SLC22A23: variants seen among roughly 807,000 people sequenced by gnomAD.
The protein encoded by SLC22A23 is ion transporter protein.
A neutral mutation model predicts 61.0 loss-of-function variants in SLC22A23; 26 were observed. The observed-to-expected ratio is 0.43, with a 90% CI of 0.31 to 0.59. The LOEUF is 0.59. Among genes scored for constraint, SLC22A23 ranks in the 20% least tolerant of loss-of-function variants. SLC22A23 has a pLI of 0.11. For synonymous variants in SLC22A23, 430 were observed against 413.9 expected (o/e 1.04, Z -0.47); for missense variants, 796 against 934.7 (o/e 0.85, Z 1.94).
rs552513223 is a variant in SLC22A23 at position 3,397,526 on chromosome 6, T to C, written c.913+12662A>G. On this transcript the variant is annotated intron_variant, in intron 3 of 9. Transcript: ENST00000406686. The stretch of plus-strand genomic sequence containing the variant: ...TTCCTTAACTGTAAAATGGGGCTAT[T>C]TGTGGGAGCTACTTTACATGGTTAC... 1.8e-4 allele frequency among the ~76,000 whole-genome samples: 27 copies of C among 152,354 alleles called. No homozygotes were observed. The Middle Eastern group carries it at 0.01, about 58-fold the overall frequency.
chr6:3,425,080 T>C (rs533671232), intron 1 of SLC22A23, among the ~76,000 whole-genome samples: 178 of 152,202 alleles, frequency 1.2e-3, no homozygotes, highest in Non-Finnish European at 2.1e-3. Flanking sequence ...CCTCTTTCTG[T>C]GATTATTTTT....
At chr6:3,343,528 C>G (rs1764265647) in intron 3 of SLC22A23, among the ~76,000 whole-genome samples, 1 of 151,934 alleles carries the variant, frequency 6.6e-6, no homozygotes, top group Non-Finnish European at 1.5e-5. Context: ...TTTTAGACAT[C>G]TTTTTTTCAA....
chr6:3,454,815 C>A lies in SLC22A23; in HGVS notation c.654+1091G>T, dbSNP rs1772313495. 6.6e-6 allele frequency among the ~76,000 whole-genome samples: 1 copy of A among 152,194 alleles called. No homozygotes were observed. Among genetic ancestry groups the A allele is most frequent in the Admixed American group, 6.5e-5 (1 of 15,286 alleles). On this transcript the variant is annotated intron_variant, in intron 1 of 9. Coordinates refer to ENST00000406686, the MANE Select transcript of SLC22A23 (RefSeq NM_015482.2). The surrounding 1 kb of genome is among the most constrained non-coding windows in gnomAD (Gnocchi z 4.3). ...AGAGTTTATCTTACACATCCATGAG[C>A]TACAACTGTTAACCAATGCACACGG...
chr6:3,450,600 C>T (rs574026979), intron 1 of SLC22A23, among the ~76,000 whole-genome samples: 2 of 152,288 alleles, frequency 1.3e-5, no homozygotes, highest in East Asian at 1.9e-4. Flanking sequence ...CCACTGTGCC[C>T]GGCCGTCAGT....
intron 9 of SLC22A23, among the ~76,000 whole-genome samples, chr6:3,280,523 T>C (rs1352449910): frequency 3.1e-5 from 4 of 130,884 alleles, no homozygotes; most frequent in Non-Finnish European, 6.3e-5. Context: ...TGAGATGGAG[T>C]CTCGCTCTGT....
chr6:3,356,650 TG>T (rs1375305781), intron 3 of SLC22A23, among the ~76,000 whole-genome samples: 1 of 152,124 alleles, frequency 6.6e-6, no homozygotes, highest in African/African-American at 2.4e-5. Context: ...CCTGAAGCTT[TG>T]TTGTAACCCT....
chr6:3,279,581 T>C (rs545472432), intron 9 of SLC22A23, among the ~76,000 whole-genome samples: 1 of 148,050 alleles, frequency 6.8e-6, no homozygotes, highest in Non-Finnish European at 1.5e-5. Context: ...TTGGCAGAAG[T>C]TGGTATGCCA....
intron 3 of SLC22A23, among the ~76,000 whole-genome samples, chr6:3,350,132 C>T (rs972121136): frequency 1.3e-5 from 2 of 152,158 alleles, no homozygotes; most frequent in Non-Finnish European, 2.9e-5. Context: ...TTTCATGAAA[C>T]GATACTTAAC....
chr6:3,298,744 G>A (rs191886913), intron 4 of SLC22A23, among the ~76,000 whole-genome samples: 1,617 of 151,938 alleles, frequency 0.011, 28 homozygotes, highest in African/African-American at 0.038. Flanking sequence ...AGGCCGAGGC[G>A]GGTGGATCAT....
At chr6:3,435,029 C>T (rs887452985) in intron 1 of SLC22A23, among the ~76,000 whole-genome samples, 9 of 152,068 alleles carry the variant, frequency 5.9e-5, no homozygotes, top group African/African-American at 1.2e-4. Flanking sequence ...GAAACCTGGG[C>T]GGAGAACCCA....
chr6:3,358,898 A>G (rs1300665950), intron 3 of SLC22A23, among the ~76,000 whole-genome samples: 1 of 152,170 alleles, frequency 6.6e-6, no homozygotes, highest in Non-Finnish European at 1.5e-5. Flanking sequence ...GCCATTTCAA[A>G]GGGAAGCCCT....
At chr6:3,385,469 T>C (rs1026555573) in intron 3 of SLC22A23, among the ~76,000 whole-genome samples, 1 of 152,130 alleles carries the variant, frequency 6.6e-6, no homozygotes, top group Non-Finnish European at 1.5e-5. Context: ...TGTGCAGAGA[T>C]GGTGCCACTG....
chr6:3,411,040 ATTCGTGGG>A (rs1383924883), intron 2 of SLC22A23, among the ~76,000 whole-genome samples: 1 of 152,152 alleles, frequency 6.6e-6, no homozygotes, highest in Non-Finnish European at 1.5e-5. Context: ...GATACCCTCA[ATTCGTGGG>A]TTCTGGAGCT....
chr6:3,396,036 G>T (rs1767980544), intron 3 of SLC22A23, among the ~76,000 whole-genome samples: 1 of 152,146 alleles, frequency 6.6e-6, no homozygotes. Flanking sequence ...AAAAAGATGG[G>T]GCTGTTGGGA....
rs1040049095 is a variant in SLC22A23, at chr6:3,360,847, C to T, written c.914-36845G>A. On this transcript the variant is annotated intron_variant, in intron 3 of 9. Transcript: ENST00000406686. This position sits in a 1 kb window ranked among gnomAD's most constrained non-coding sequence, Gnocchi z 4.6. ...CTGGCGTGGTCATCCAGGGCGGGAA[C>T]GGGATTGGACGAAGCCTTCCCTCGG... 6.6e-6 allele frequency among the ~76,000 whole-genome samples: 1 copy of T among 152,154 alleles called. No homozygotes were observed. Among genetic ancestry groups the T allele is most frequent in the Non-Finnish European group, 1.5e-5 (1 of 68,034 alleles).
chr6:3,365,247 G>A (rs1446639745), intron 3 of SLC22A23, among the ~76,000 whole-genome samples: 1 of 152,176 alleles, frequency 6.6e-6, no homozygotes, highest in Non-Finnish European at 1.5e-5. Flanking sequence ...ACTTGAACCC[G>A]GGAGGTGGAG....
Position 3,432,432 on chromosome 6 carries a change from C to T in SLC22A23, c.655-16577G>A, listed in dbSNP as rs1379642406. On this transcript the variant is annotated intron_variant, in intron 1 of 9. Coordinates refer to ENST00000406686, the MANE Select transcript of SLC22A23 (RefSeq NM_015482.2). Reference sequence around the variant, plus strand: ...AACCAATCTTCCTTGCTGTTGTGTACAACTGCTCTTCAGCTCACTGTAAAA... The same window carrying T: ...AACCAATCTTCCTTGCTGTTGTGTATAACTGCTCTTCAGCTCACTGTAAAA... 11 of 979,856 alleles carry T rather than the reference C, an allele frequency of 1.1e-5. No homozygotes were observed. In the South Asian group the frequency reaches 4.7e-4, roughly 42 times the overall value. 60.7% of individuals were successfully genotyped at this position (979,856 alleles called of 1,614,324 possible). A position where few individuals can be genotyped will look rare whatever the true frequency, so the allele number is the denominator to read the frequency against.
intron 3 of SLC22A23, among the ~76,000 whole-genome samples, chr6:3,334,231 G>A (rs1763727748): frequency 6.6e-6 from 1 of 152,112 alleles, no homozygotes. Flanking sequence ...GCACAATCTT[G>A]GCTCATTGCA....
chr6:3,442,162 G>A (rs771538144), intron 1 of SLC22A23, among the ~76,000 whole-genome samples: 3 of 152,164 alleles, frequency 2.0e-5, no homozygotes, highest in Non-Finnish European at 4.4e-5. Flanking sequence ...CACGCTGAGC[G>A]ACATGAGCCA....
Sources: gnomAD v4.1 joint callset for allele counts (sites outside exome capture counted in the v4.1 genomes callset) on GRCh38, gnomAD v4.1.1 for gene constraint, Gnocchi (gnomAD v3.1) non-coding constraint, MANE v1.5 for transcripts, NCBI Gene and HGNC (gene_info 2026-07-23, HGNC 2026-07-21) for gene names.